EYS: variants seen among roughly 807,000 people sequenced by gnomAD.
EYS encodes the protein EGF-like photoreceptor maintenance factor.
EYS carries 250 observed loss-of-function variants against 282.1 expected under a neutral mutation model. The ratio of observed to expected loss-of-function variants is 0.89; its 90% confidence interval spans 0.80 to 0.98. The LOEUF is 0.98. EYS is among the 50% of genes least tolerant of loss of function. EYS has a pLI of 0.00. For synonymous variants in EYS, 1,355 were observed against 1,282.9 expected, an observed-to-expected ratio of 1.06 and a Z score of -1.20; for missense variants, 4,016 against 3,709.0, an observed-to-expected ratio of 1.08 and a Z score of -2.15.
chr6:64,436,031 A>C, intron 28 of EYS, 143 bp downstream of exon 28: 1 of 416,692 alleles, frequency 2.4e-6, no homozygotes, highest in Non-Finnish European at 4.3e-6. Flanking sequence ...ATATATAGAA[A>C]AGCTTGACAA....
intron 30 of EYS, among the ~76,000 whole-genome samples, chr6:64,290,814 C>A (rs1768677710): frequency 6.6e-6 from 1 of 151,008 alleles, no homozygotes; most frequent in African/African-American, 2.4e-5. Context: ...CGTTCTTACA[C>A]AAGATATTGA....
chr6:65,515,427 C>T (rs1183876327), intron 2 of EYS, among the ~76,000 whole-genome samples: 2 of 151,944 alleles, frequency 1.3e-5, no homozygotes, highest in Non-Finnish European at 2.9e-5. Flanking sequence ...TTGACCCAGC[C>T]ATCCCATTAC....
chr6:64,409,623 T>C (rs1773822779), intron 28 of EYS, among the ~76,000 whole-genome samples: 1 of 152,186 alleles, frequency 6.6e-6, no homozygotes, highest in South Asian at 2.1e-4. Context: ...ACCAATTTTA[T>C]ATGTTGATTA....
intron 39 of EYS, among the ~76,000 whole-genome samples, chr6:63,779,715 T>G (rs1770160065): frequency 6.8e-6 from 1 of 147,924 alleles, no homozygotes; most frequent in South Asian, 2.1e-4. Flanking sequence ...TTTTCAAAAC[T>G]TTTTTTTGGA....
chr6:64,528,040 C>T (rs1777980911), intron 26 of EYS, among the ~76,000 whole-genome samples: 1 of 151,750 alleles, frequency 6.6e-6, no homozygotes, highest in Non-Finnish European at 1.5e-5. Context: ...CTCACAGAAC[C>T]ACTGTCCCAG....
chr6:64,243,956 T>C (rs1310582749), intron 30 of EYS, among the ~76,000 whole-genome samples: 2 of 152,112 alleles, frequency 1.3e-5, no homozygotes, highest in South Asian at 2.1e-4. Flanking sequence ...CTTGTGACCA[T>C]TGTGAGTTCA....
Position 64,391,682 on chromosome 6 carries a change from T to A in EYS, c.5928-2842A>T, listed in dbSNP as rs534367495. 8.7e-3 allele frequency among the ~76,000 whole-genome samples: 1,318 copies of A among 152,148 alleles called. 27 individuals are homozygous for A. The highest frequency in any genetic ancestry group is 0.029 in the African/African-American group (1,209 of 41,502). The stretch of plus-strand genomic sequence containing the variant: ...GCCGCTGCAAAATCATGCCAAAATG[T>A]AAAGACCATCAAGACTAGGAAGAAA... On this transcript the variant is annotated intron_variant, in intron 28 of 42. Coordinates refer to ENST00000503581, the MANE Select transcript of EYS (RefSeq NM_001142800.2).
At chr6:64,796,109 T>C (rs1263551249) in intron 22 of EYS, among the ~76,000 whole-genome samples, 1 of 152,234 alleles carries the variant, frequency 6.6e-6, no homozygotes, top group Non-Finnish European at 1.5e-5. Context: ...CTGGATGTTA[T>C]TGAGGCAGTA....
intron 26 of EYS, among the ~76,000 whole-genome samples, chr6:64,478,300 G>C (rs2150497526): frequency 6.6e-6 from 1 of 151,674 alleles, no homozygotes; most frequent in East Asian, 1.9e-4. Context: ...AAATTTTAGG[G>C]GCTAGAACTG....
chr6:65,343,150 T>C (rs997040214), intron 10 of EYS, among the ~76,000 whole-genome samples: 1 of 151,280 alleles, frequency 6.6e-6, no homozygotes, highest in African/African-American at 2.4e-5. Context: ...CTGTGGTATT[T>C]GAAGTCTTTT....
chr6:64,527,603 T>C (rs1474720893), intron 26 of EYS, among the ~76,000 whole-genome samples: 1 of 151,766 alleles, frequency 6.6e-6, no homozygotes, highest in Non-Finnish European at 1.5e-5. Flanking sequence ...TGGGTACAAT[T>C]CAATGAAATA....
chr6:65,682,710 C>T (rs1222541869), intron 1 of EYS, among the ~76,000 whole-genome samples: 3 of 151,840 alleles, frequency 2.0e-5, no homozygotes, highest in Non-Finnish European at 4.4e-5. Flanking sequence ...TTGTGTACCA[C>T]ATTCAAAGAA....
intron 35 of EYS, among the ~76,000 whole-genome samples, chr6:63,946,753 G>C (rs1172948751): frequency 7.1e-5 from 10 of 141,780 alleles, no homozygotes; most frequent in African/African-American, 2.6e-4. Context: ...TTGGCTACAT[G>C]AAAGAGTTAG....
intron 24 of EYS, 148 bp downstream of exon 24, chr6:64,617,270 C>G (rs997917596): frequency 3.3e-6 from 2 of 602,706 alleles, no homozygotes; most frequent in Admixed American, 3.0e-5. Flanking sequence ...AGAGGAATGC[C>G]GAGAAAAGTG....
intron 26 of EYS, among the ~76,000 whole-genome samples, chr6:64,525,733 A>T (rs756279256): frequency 6.6e-6 from 1 of 151,842 alleles, no homozygotes; most frequent in Non-Finnish European, 1.5e-5. Flanking sequence ...ACTGATGAGG[A>T]TGCAGGGAAA....
At chr6:65,617,197 G>A (rs903946540) in intron 2 of EYS, among the ~76,000 whole-genome samples, 2 of 151,598 alleles carry the variant, frequency 1.3e-5, no homozygotes, top group African/African-American at 4.9e-5. Context: ...TGTTGACCTG[G>A]AGAAAAAAAA....
chr6:65,679,779 T>G (rs1260304311), intron 1 of EYS, among the ~76,000 whole-genome samples: 1 of 151,956 alleles, frequency 6.6e-6, no homozygotes, highest in Non-Finnish European at 1.5e-5. Flanking sequence ...TAAAGGAAAC[T>G]GCATCCTGAA....
chr6:64,730,178 T>A (rs1223303466), intron 22 of EYS, among the ~76,000 whole-genome samples: 1 of 152,144 alleles, frequency 6.6e-6, no homozygotes, highest in Non-Finnish European at 1.5e-5. Context: ...AGCCCTAAAA[T>A]GCAAGGGAGG....
intron 30 of EYS, among the ~76,000 whole-genome samples, chr6:64,256,438 C>G (rs567133253): frequency 2.6e-4 from 39 of 152,090 alleles, no homozygotes; most frequent in South Asian, 1.7e-3. Flanking sequence ...CAATGGATGG[C>G]TATGTGGAAA....
Sources: gnomAD v4.1 joint callset for allele counts (sites outside exome capture counted in the v4.1 genomes callset) on GRCh38, gnomAD v4.1.1 for gene constraint, MANE v1.5 for transcripts, NCBI Gene and HGNC (gene_info 2026-07-23, HGNC 2026-07-21) for gene names.